STIL: variants seen among roughly 807,000 people sequenced by gnomAD.
The protein encoded by STIL is STIL centriolar assembly protein.
Under a neutral mutation model 110.1 loss-of-function variants are expected in STIL, and 55 were observed. The observed-to-expected ratio is 0.50, with a 90% CI of 0.40 to 0.63. The LOEUF is 0.63. Ranked by LOEUF, STIL falls within the 20% of genes least tolerant of loss-of-function variation. The pLI is 0.00. For synonymous variants in STIL, 481 were observed against 530.0 expected (o/e 0.91, Z 1.27); for missense variants, 1,358 against 1,530.0 (o/e 0.89, Z 1.87).
At chr1:47,295,541 C>A (rs972357177) in intron 7 of STIL, among the ~76,000 whole-genome samples, 3 of 152,068 alleles carry the variant, frequency 2.0e-5, no homozygotes, top group Non-Finnish European at 4.4e-5. Flanking sequence ...GATCTCTCCA[C>A]TGCACTCCAG....
At chr1:47,275,337 G>A (rs1346535653) in intron 12 of STIL, among the ~76,000 whole-genome samples, 10 of 150,446 alleles carry the variant, frequency 6.6e-5, no homozygotes, top group African/African-American at 1.5e-4. Flanking sequence ...TGCTGGGCGC[G>A]GTGGCTCACT....
intron 14 of STIL, among the ~76,000 whole-genome samples, chr1:47,265,193 A>C (rs925568123): frequency 4.5e-5 from 6 of 132,030 alleles, no homozygotes; most frequent in Non-Finnish European, 9.3e-5. Flanking sequence ...CCAAGATCAC[A>C]CCACTGCACT....
chr1:47,288,740 C>T (rs1360729854), intron 9 of STIL, among the ~76,000 whole-genome samples: 1 of 151,560 alleles, frequency 6.6e-6, no homozygotes, highest in East Asian at 1.9e-4. Flanking sequence ...CTTATTCCCA[C>T]ACATTTTAAA....
chr1:47,280,224 G>A lies in STIL; in HGVS notation c.2217+17C>T, dbSNP rs1043277684. The stretch of plus-strand genomic sequence containing the variant: ...AATACCAAGAAATTAATAGAACTAG[G>A]AAAGCACCAAGCAAACCTGTGCCTG... On this transcript the variant is annotated intron_variant, in intron 12 of 16. Coordinates refer to ENST00000371877, the MANE Select transcript of STIL (RefSeq NM_001048166.1). 2.5e-6 allele frequency: 4 copies of A among 1,614,076 alleles called. No individual in the cohort carries two copies. The highest frequency in any genetic ancestry group is 3.3e-5 in the Admixed American group (2 of 60,018).
intron 11 of STIL, 61 bp downstream of exon 11, chr1:47,282,284 A>T: frequency 9.8e-7 from 1 of 1,018,462 alleles, no homozygotes; most frequent in Non-Finnish European, 1.5e-6. Context: ...TTAGTGTTTT[A>T]ACCATGAAGA....
rs1279650779 is a variant in STIL at position 47,269,798 on chromosome 1, T to C, written c.2452A>G (p.Thr818Ala). ...EPDSQMKQDD[T>A]KISSEDMNFS... is the part of the protein sequence containing the mutation. ...TTCATGTCCTCACTGGAAATTTTGG[T>C]ATCATCTTGCTTCATTTGAGAGTCA... Residue 818 changes from threonine to alanine, a missense_variant, in exon 14 of 17, where the codon ACC (threonine) becomes GCC (alanine). Physicochemically the swap from Thr to Ala is moderately conservative, Grantham distance 58 (BLOSUM62 0). Transcript: ENST00000371877. The C allele has an allele frequency of 5.0e-6, 8 of 1,614,226 alleles. No homozygotes were observed. The highest frequency in any genetic ancestry group is 5.9e-6 in the Non-Finnish European group (7 of 1,180,040).
intron 16 of STIL, among the ~76,000 whole-genome samples, chr1:47,259,813 G>C (rs1479618956): frequency 6.6e-6 from 1 of 152,148 alleles, no homozygotes; most frequent in East Asian, 1.9e-4. Flanking sequence ...ATCTTTGGTA[G>C]AAAGGAATCT....
At chr1:47,310,465 T>C in intron 1 of STIL, 103 bp from the exon 2 acceptor site, 1 of 687,820 alleles carries the variant, frequency 1.5e-6, no homozygotes, top group Non-Finnish European at 2.5e-6. Flanking sequence ...ATTACTTATA[T>C]GAAGTGTGAC....
chr1:47,310,575 G>A (rs1646094557), intron 1 of STIL, among the ~76,000 whole-genome samples: 1 of 152,160 alleles, frequency 6.6e-6, no homozygotes, highest in African/African-American at 2.4e-5. Context: ...ATTCTAGGCA[G>A]CAAAATCTAC....
intron 12 of STIL, among the ~76,000 whole-genome samples, chr1:47,274,215 A>T (rs1463688660): frequency 6.6e-6 from 1 of 152,234 alleles, no homozygotes; most frequent in East Asian, 1.9e-4. Context: ...ACAGTAAAAG[A>T]CATTACACAC....
At chr1:47,259,452 A>ATC (rs1296821919) in intron 16 of STIL, among the ~76,000 whole-genome samples, 1 of 149,038 alleles carries the variant, frequency 6.7e-6, no homozygotes, top group Non-Finnish European at 1.5e-5. Context: ...CACCGCACCC[A>ATC]TCTAATTTTT....
Position 47,289,551 on chromosome 1 carries a change from G to T in STIL, c.907C>A (p.Leu303Ile). 1 of 1,613,576 alleles carries T rather than the reference G, an allele frequency of 6.2e-7. No homozygotes were observed. The highest frequency in any genetic ancestry group is 8.5e-7 in the Non-Finnish European group (1 of 1,179,684). ...FSESGNFIIV[L>I]YSMTHKEPEF... is the part of the protein sequence containing the mutation. ...GGTTCCTTATGTGTCATAGAATAGA[G>T]AACTATGATGAAATTTCCAGATTCT... Residue 303 changes from leucine (L) to isoleucine (I), a missense_variant, in exon 9 of 17, where the codon CTC becomes ATC. Leu to Ile is a conservative substitution (Grantham distance 5). Transcript: ENST00000371877.
intron 8 of STIL, among the ~76,000 whole-genome samples, chr1:47,291,199 A>G (rs1018535190): frequency 1.3e-5 from 2 of 152,050 alleles, no homozygotes; most frequent in Admixed American, 6.5e-5. Context: ...GTCTCTACTG[A>G]AAAAATACAA....
chr1:47,295,909 TA>T lies in STIL; in HGVS notation c.702-62del, dbSNP rs1320625553. On this transcript the variant is annotated intron_variant, in intron 6 of 16. Transcript: ENST00000371877. ...TTATGTACTTTTTACCTAAAAGACA[TA>T]ATCTAAATGCTGAAGCATACTTTAG... is the stretch of plus-strand genomic sequence containing the variant. 6 of 1,215,890 alleles carry T rather than the reference TA, an allele frequency of 4.9e-6. No homozygotes were observed. The Admixed American group carries it at 1.0e-4, about 21-fold the overall frequency. 75.3% of individuals were successfully genotyped at this position (1,215,890 alleles called of 1,614,324 possible).
At chr1:47,290,270 A>G (rs1645441796) in intron 8 of STIL, among the ~76,000 whole-genome samples, 1 of 152,252 alleles carries the variant, frequency 6.6e-6, no homozygotes, top group South Asian at 2.1e-4. Context: ...ACTAAAAAAC[A>G]GTAAGTCTGT....
intron 8 of STIL, among the ~76,000 whole-genome samples, chr1:47,292,085 C>T (rs1439798926): frequency 6.7e-6 from 1 of 149,896 alleles, no homozygotes; most frequent in Admixed American, 6.7e-5. Context: ...TGGTCTGGAA[C>T]TCCTGGCCTC....
At chr1:47,270,757 A>G (rs1447327319) in intron 13 of STIL, among the ~76,000 whole-genome samples, 1 of 142,460 alleles carries the variant, frequency 7.0e-6, no homozygotes, top group African/African-American at 2.6e-5. Context: ...AGCTCACTGC[A>G]GCCTCAACGT....
chr1:47,293,686 G>A (rs1645559576), intron 7 of STIL, 142 bp from the exon 8 acceptor site: 5 of 631,522 alleles, frequency 7.9e-6, no homozygotes, highest in East Asian at 2.9e-5. Flanking sequence ...ATCTAAAAAC[G>A]TGCTGATAAT....
Position 47,276,413 on chromosome 1 carries a change from T to C in STIL, c.2217+3828A>G, listed in dbSNP as rs551144632. On this transcript the variant is annotated intron_variant, in intron 12 of 16. Transcript: ENST00000371877. ...TACCACACGCATATGCATATACATATACATATATATATATATGAATGATAA... is the reference window on the plus strand; with the variant it reads ...TACCACACGCATATGCATATACATACACATATATATATATATGAATGATAA... 3.3e-5 allele frequency among the ~76,000 whole-genome samples: 5 copies of C among 151,784 alleles called. No homozygotes were observed. The South Asian group carries it at 1.1e-3, about 32-fold the overall frequency.
Sources: gnomAD v4.1 joint callset for allele counts (sites outside exome capture counted in the v4.1 genomes callset) on GRCh38, gnomAD v4.1.1 for gene constraint, MANE v1.5 for transcripts, NCBI Gene and HGNC (gene_info 2026-07-23, HGNC 2026-07-21) for gene names.